VRK2: variants seen among roughly 807,000 people sequenced by gnomAD.
VRK2 encodes serine/threonine-protein kinase VRK2.
VRK2 carries 60 observed loss-of-function variants against 57.6 expected under a neutral mutation model. The ratio of observed to expected loss-of-function variants is 1.04; its 90% CI spans 0.85 to 1.29. The LOEUF (loss-of-function observed/expected upper bound fraction) is 1.29, where lower values mean the gene tolerates loss of function less well. Among genes scored for constraint, VRK2 ranks in the 50% most tolerant of loss-of-function variants. VRK2 has a pLI of 0.00. For synonymous variants in VRK2, 231 were observed against 199.2 expected (o/e 1.16, Z -1.35); for missense variants, 705 against 588.1 (o/e 1.20, Z -2.06).
intron 1 of VRK2, among the ~76,000 whole-genome samples, chr2:57,952,575 A>G (rs1475216158): frequency 2.0e-5 from 3 of 152,212 alleles, no homozygotes; most frequent in Admixed American, 6.5e-5. Context: ...CTGAACATAC[A>G]TATCCTTACC....
At position 58,151,731 on chromosome 2, in the gene VRK2, GTTTTTTTTTTTTTTTTTTTTTTTTTT is replaced by G. The variant is rs60379025; in HGVS notation, c.1182+5268_1182+5293del. 3.6e-4 allele frequency among the ~76,000 whole-genome samples: 6 copies of G among 16,722 alleles called. No homozygotes were observed. The Admixed American group carries it at 6.3e-3, about 18-fold the overall frequency. The allele number at this position is 16,722 out of a possible 152,430, so 11.0% of individuals were successfully genotyped here. On this transcript the variant is annotated intron_variant, in intron 12 of 12. Transcript: ENST00000340157. Reference sequence around the variant, plus strand: ...TTTTTTTAACTATGCTTCTATGCTTGTTTTTTTTTTTTTTTTTTTTTTTTTTTTTTTTTTTTGGTGGTCACTCTAGA... The same window carrying G: ...TTTTTTTAACTATGCTTCTATGCTTGTTTTTTTTTTGGTGGTCACTCTAGA...
chr2:58,008,353 AAAGG>A (rs1177502033), intron 1 of VRK2, among the ~76,000 whole-genome samples: 2 of 152,062 alleles, frequency 1.3e-5, no homozygotes, highest in Non-Finnish European at 2.9e-5. Flanking sequence ...AGGAAGATGA[AAAGG>A]AAGGAAGGAA....
At chr2:58,010,257 T>C (rs1200362773) in intron 1 of VRK2, among the ~76,000 whole-genome samples, 2 of 152,148 alleles carry the variant, frequency 1.3e-5, no homozygotes, top group East Asian at 1.9e-4. Context: ...TTAGCACATT[T>C]CTAAAATAGA....
chr2:58,028,903 A>AATAAAT (rs1553378204), intron 2 of VRK2, among the ~76,000 whole-genome samples: 64 of 54,014 alleles, frequency 1.2e-3, no homozygotes, highest in South Asian at 1.8e-3. Context: ...TAAATAAATA[A>AATAAAT]ATATATATAT....
At chr2:58,038,289 T>A (rs904210508) in intron 3 of VRK2, among the ~76,000 whole-genome samples, 1 of 152,102 alleles carries the variant, frequency 6.6e-6, no homozygotes, top group African/African-American at 2.4e-5. Flanking sequence ...TTCTGCTGCC[T>A]TGTGAAAAAG....
At chr2:58,115,534 CAGTA>C (rs1174704201) in intron 7 of VRK2, among the ~76,000 whole-genome samples, 2 of 137,392 alleles carry the variant, frequency 1.5e-5, no homozygotes, top group Non-Finnish European at 3.4e-5. Flanking sequence ...TAGGCTAAGA[CAGTA>C]AGGTCAATTT....
chr2:58,097,703 G>A (rs1268913310), intron 7 of VRK2, among the ~76,000 whole-genome samples: 5 of 152,042 alleles, frequency 3.3e-5, no homozygotes, highest in African/African-American at 1.2e-4. Context: ...ATGCCATAGG[G>A]CAACACATTA....
intron 1 of VRK2, among the ~76,000 whole-genome samples, chr2:58,024,495 G>A (rs1298171446): frequency 1.3e-5 from 2 of 152,146 alleles, no homozygotes; most frequent in Non-Finnish European, 2.9e-5. Context: ...ATTTGTAATA[G>A]TTAACAGCAG....
At chr2:58,111,490 C>T (rs1405287295) in intron 7 of VRK2, among the ~76,000 whole-genome samples, 13 of 152,132 alleles carry the variant, frequency 8.5e-5, no homozygotes, top group Non-Finnish European at 1.8e-4. Context: ...TGGCAGCTCA[C>T]GCCTGTAACC....
chr2:58,068,823 A>C lies in VRK2; in HGVS notation c.137-15266A>C, dbSNP rs1012615543. ...TGCACCCCCTCAGGAAAAAAAAAAA[A>C]AAAAAACAAAAACTCGGTTATGTAT... is the stretch of plus-strand genomic sequence containing the variant. On this transcript the variant is annotated intron_variant, in intron 2 of 12. Transcript: ENST00000340157. 5.5e-3 allele frequency among the ~76,000 whole-genome samples: 831 copies of C among 151,328 alleles called. 6 individuals carry two copies. The highest frequency in any genetic ancestry group is 7.0e-3 in the African/African-American group (291 of 41,412).
intron 12 of VRK2, among the ~76,000 whole-genome samples, chr2:58,155,904 G>C (rs1388808232): frequency 6.8e-6 from 1 of 146,972 alleles, no homozygotes; most frequent in African/African-American, 2.5e-5. Flanking sequence ...GTTACATAGA[G>C]CATGTTTTTC....
chr2:57,951,953 G>C lies in VRK2; in HGVS notation c.-439+44114G>C, dbSNP rs1671440671. Among the ~76,000 whole-genome samples, 21 of 146,348 alleles carry C rather than the reference G, an allele frequency of 1.4e-4. 1 individual carries two copies. In the South Asian group the frequency reaches 4.6e-3, roughly 32 times the overall value. ...TTTTTTTTTTTTTTTAAGAGAGGAGGTCTCACTATTGCTCAAGCTGGTGTT... is the reference window on the plus strand; with the variant it reads ...TTTTTTTTTTTTTTTAAGAGAGGAGCTCTCACTATTGCTCAAGCTGGTGTT... On this transcript the variant is annotated intron_variant, in intron 1 of 15. Transcript: ENST00000417641.
At chr2:58,030,192 A>G (rs1319993407) in intron 2 of VRK2, among the ~76,000 whole-genome samples, 1 of 152,102 alleles carries the variant, frequency 6.6e-6, no homozygotes, top group Non-Finnish European at 1.5e-5. Context: ...ATTAATATGC[A>G]CACATATTGC....
chr2:57,909,633 G>A (rs1181428252), intron 1 of VRK2, among the ~76,000 whole-genome samples: 1 of 152,138 alleles, frequency 6.6e-6, no homozygotes, highest in South Asian at 2.1e-4. Context: ...AAAACTCGCT[G>A]TCAAGAAGAA....
intron 1 of VRK2, among the ~76,000 whole-genome samples, chr2:58,016,851 C>T (rs560759534): frequency 6.6e-6 from 1 of 152,272 alleles, no homozygotes; most frequent in East Asian, 1.9e-4. Context: ...GCTTTACCTC[C>T]TCACAATAGT....
intron 1 of VRK2, among the ~76,000 whole-genome samples, chr2:58,015,586 G>A (rs1420972643): frequency 6.6e-6 from 1 of 152,052 alleles, no homozygotes; most frequent in African/African-American, 2.4e-5. Context: ...AACTCTTTTT[G>A]ACCTTTGCAC....
intron 11 of VRK2, among the ~76,000 whole-genome samples, chr2:58,140,595 T>C (rs1681192253): frequency 6.6e-6 from 1 of 152,026 alleles, no homozygotes; most frequent in East Asian, 1.9e-4. Flanking sequence ...TTATGAACTT[T>C]GGATCATCAC....
intron 1 of VRK2, among the ~76,000 whole-genome samples, chr2:57,975,237 TCAGTGACTGAGATGAAACACACCC>T (rs1672212921): frequency 6.6e-6 from 1 of 151,986 alleles, no homozygotes; most frequent in Non-Finnish European, 1.5e-5. Flanking sequence ...GGTATTCATA[TCAGTGACTGAGATGAAACACACCC>T]CAAATCAACC....
chr2:57,914,563 G>T (rs1296086453), intron 1 of VRK2, among the ~76,000 whole-genome samples: 1 of 151,960 alleles, frequency 6.6e-6, no homozygotes, highest in Admixed American at 6.6e-5. Flanking sequence ...TCATCCTGGT[G>T]CCTCATCTCC....
Sources: allele counts gnomAD v4.1 joint callset (sites outside exome capture counted in the v4.1 genomes callset), GRCh38; gene constraint gnomAD v4.1.1; transcripts MANE v1.5; gene names NCBI Gene and HGNC (gene_info 2026-07-23, HGNC 2026-07-21).